ROBO1: variants seen among roughly 807,000 people sequenced by gnomAD.
ROBO1 encodes the protein roundabout homolog 1.
A neutral mutation model predicts 195.9 loss-of-function variants in ROBO1; 149 were observed. The observed-to-expected ratio is 0.76, with a 90% CI of 0.67 to 0.87. ROBO1 has a LOEUF of 0.87. Ranked by LOEUF, ROBO1 falls within the 40% of genes least tolerant of loss-of-function variation. The probability of loss-of-function intolerance (pLI) is 0.00; values close to 1 mark genes in which losing one functional copy is unlikely to be tolerated. For missense variants in ROBO1, 1,933 were observed against 2,068.3 expected, an observed-to-expected ratio of 0.93 and a Z score of 1.27; for synonymous variants, 816 against 733.2, an observed-to-expected ratio of 1.11 and a Z score of -1.82.
rs544929631 is a variant in ROBO1, at chr3:79,344,463, G to A, written c.89-218924C>T. On this transcript the variant is annotated intron_variant, in intron 2 of 30. Transcript: ENST00000464233. ...GACCTAGAAACTACACAATAAAAGC[G>A]AATAATAGTTGAACGCAATAAGTGA... 3.3e-5 allele frequency among the ~76,000 whole-genome samples: 5 copies of A among 152,218 alleles called. No homozygotes were observed. In the East Asian group the frequency reaches 5.8e-4, roughly 18 times the overall value.
intron 1 of ROBO1, among the ~76,000 whole-genome samples, chr3:79,726,763 C>A (rs546650566): frequency 1.3e-5 from 2 of 152,174 alleles, no homozygotes; most frequent in Admixed American, 6.5e-5. Flanking sequence ...ATACATTTTT[C>A]AATCGACATC....
chr3:79,527,763 G>T (rs920070466), intron 2 of ROBO1: 4 of 31,848 alleles, frequency 1.3e-4, no homozygotes, highest in African/African-American at 1.0e-3. Context: ...GACATGGACC[G>T]CTGAGTTAGT....
At chr3:78,856,293 G>GAAAAAAAAAA (rs1237662391) in intron 4 of ROBO1, among the ~76,000 whole-genome samples, 1 of 76,562 alleles carries the variant, frequency 1.3e-5, no homozygotes, top group Non-Finnish European at 3.2e-5. Context: ...GCAAAAAAAA[G>GAAAAAAAAAA]AAAAAAAAAA....
intron 2 of ROBO1, among the ~76,000 whole-genome samples, chr3:79,211,882 C>T (rs1378430146): frequency 3.3e-5 from 5 of 152,160 alleles, no homozygotes; most frequent in African/African-American, 9.7e-5. Flanking sequence ...AACCAGGTGT[C>T]TCACAGCCTT....
intron 3 of ROBO1, among the ~76,000 whole-genome samples, chr3:79,105,922 G>A (rs1015396465): frequency 3.3e-5 from 5 of 151,582 alleles, no homozygotes; most frequent in African/African-American, 4.8e-5. Context: ...GTAAGTTGCC[G>A]GAGGTCCCCA....
chr3:79,333,596 T>A (rs1024190594), intron 2 of ROBO1, among the ~76,000 whole-genome samples: 1 of 152,126 alleles, frequency 6.6e-6, no homozygotes, highest in African/African-American at 2.4e-5. Flanking sequence ...CAACCTCACT[T>A]AGCACCCTCT....
intron 2 of ROBO1, among the ~76,000 whole-genome samples, chr3:79,381,143 G>A (rs1164226149): frequency 3.9e-5 from 6 of 152,022 alleles, no homozygotes; most frequent in Non-Finnish European, 7.4e-5. Flanking sequence ...TGGATCACGA[G>A]GTCAGGAGAT....
intron 2 of ROBO1, among the ~76,000 whole-genome samples, chr3:79,266,729 T>C (rs952163817): frequency 6.6e-6 from 1 of 151,616 alleles, no homozygotes; most frequent in South Asian, 2.1e-4. Flanking sequence ...TACAGCTGCA[T>C]GAAGTTGTTA....
At chr3:79,202,607 CAAAA>C (rs1280420799) in intron 2 of ROBO1, among the ~76,000 whole-genome samples, 2 of 98,992 alleles carry the variant, frequency 2.0e-5, no homozygotes. Context: ...TCACTCATTT[CAAAA>C]AAAAAAAAAA....
chr3:78,984,879 C>T (rs976121180), intron 3 of ROBO1, among the ~76,000 whole-genome samples: 2 of 152,168 alleles, frequency 1.3e-5, no homozygotes, highest in Non-Finnish European at 2.9e-5. Flanking sequence ...TCCACTTATA[C>T]GTGAATTTCC....
intron 3 of ROBO1, among the ~76,000 whole-genome samples, chr3:79,039,143 G>A (rs1036765831): frequency 2.0e-5 from 3 of 151,986 alleles, no homozygotes; most frequent in African/African-American, 7.2e-5. Context: ...TATATCTTTC[G>A]GTAAAGTTAA....
At chr3:78,623,428 T>C (rs991410277) in intron 26 of ROBO1, among the ~76,000 whole-genome samples, 6 of 151,944 alleles carry the variant, frequency 3.9e-5, no homozygotes, top group African/African-American at 1.5e-4. Context: ...AAACTTAGAG[T>C]GAAGACATCA....
At chr3:79,174,162 C>T (rs936129718) in intron 2 of ROBO1, among the ~76,000 whole-genome samples, 3 of 152,048 alleles carry the variant, frequency 2.0e-5, no homozygotes, top group Non-Finnish European at 2.9e-5. Flanking sequence ...TTTGTTCTTT[C>T]GCTCTTTGCA....
chr3:78,835,039 C>T (rs1030495561), intron 4 of ROBO1, among the ~76,000 whole-genome samples: 3 of 151,982 alleles, frequency 2.0e-5, no homozygotes, highest in South Asian at 2.1e-4. Flanking sequence ...TTTCCATTTT[C>T]GACGGACTTT....
chr3:79,273,195 T>G, intron 2 of ROBO1, among the ~76,000 whole-genome samples: 1 of 152,220 alleles, frequency 6.6e-6, no homozygotes, highest in East Asian at 1.9e-4. Flanking sequence ...AGTAGTTAAC[T>G]GACAGAAAAC....
At chr3:79,272,925 A>C (rs1199035024) in intron 2 of ROBO1, among the ~76,000 whole-genome samples, 3 of 152,122 alleles carry the variant, frequency 2.0e-5, no homozygotes, top group African/African-American at 7.2e-5. Flanking sequence ...ATCAATGGAA[A>C]TCTCACAGGC....
intron 2 of ROBO1, among the ~76,000 whole-genome samples, chr3:79,546,932 A>G (rs1942284913): frequency 6.6e-6 from 1 of 152,178 alleles, no homozygotes; most frequent in South Asian, 2.1e-4. Flanking sequence ...CTGTAATCCC[A>G]GCACCTTGGG....
intron 2 of ROBO1, among the ~76,000 whole-genome samples, chr3:79,220,911 A>T (rs937070284): frequency 6.6e-6 from 1 of 152,056 alleles, no homozygotes; most frequent in Non-Finnish European, 1.5e-5. Flanking sequence ...TGTACACTGT[A>T]GGATGTTTAG....
At chr3:78,880,017 T>C (rs2036089384) in intron 4 of ROBO1, among the ~76,000 whole-genome samples, 1 of 152,144 alleles carries the variant, frequency 6.6e-6, no homozygotes, top group Non-Finnish European at 1.5e-5. Context: ...TACATGACCC[T>C]ACATAATATG....
Sources: gnomAD v4.1 joint callset for allele counts (sites outside exome capture counted in the v4.1 genomes callset) on GRCh38, gnomAD v4.1.1 for gene constraint, MANE v1.5 for transcripts, NCBI Gene and HGNC (gene_info 2026-07-23, HGNC 2026-07-21) for gene names.